Variants in KDM5B observed in about 807,000 individuals in gnomAD.
KDM5B encodes the protein lysine demethylase 5B.
Under a neutral mutation model 193.4 loss-of-function variants are expected in KDM5B, and 144 were observed. The observed-to-expected ratio is 0.74, with a 90% confidence interval of 0.65 to 0.86. The LOEUF is 0.86. Ranked by LOEUF, KDM5B falls within the 40% of genes least tolerant of loss-of-function variation. The pLI is 0.00. For missense variants in KDM5B, 1,833 were observed against 1,886.9 expected (o/e 0.97, Z 0.53); for synonymous variants, 668 against 682.6 (o/e 0.98, Z 0.33).
At chr1:202,764,251 A>G (rs965914459) in intron 5 of KDM5B, 106 bp from the exon 6 acceptor site, 1 of 577,230 alleles carries the variant, frequency 1.7e-6, no homozygotes, top group Admixed American at 3.8e-5. Context: ...TGCCTCTATT[A>G]ACAGGGCATT....
At chr1:202,754,200 G>T (rs1358077221) in intron 11 of KDM5B, among the ~76,000 whole-genome samples, 2 of 152,152 alleles carry the variant, frequency 1.3e-5, no homozygotes, top group African/African-American at 4.8e-5. Context: ...TCCCTGCGAG[G>T]TATGGTAAAT....
chr1:202,732,271 T>A (rs141342041), intron 23 of KDM5B: 3 of 243,332 alleles, frequency 1.2e-5, no homozygotes, highest in African/African-American at 7.0e-5. Flanking sequence ...TTATTGAAGA[T>A]TAAAATACGA....
At chr1:202,803,474 T>A (rs1382534249) in intron 1 of KDM5B, among the ~76,000 whole-genome samples, 1 of 152,188 alleles carries the variant, frequency 6.6e-6, no homozygotes, top group South Asian at 2.1e-4. Context: ...AAAGTCAAAT[T>A]TAGCTAAACA....
intron 11 of KDM5B, among the ~76,000 whole-genome samples, chr1:202,754,725 C>T (rs1220580913): frequency 6.6e-6 from 1 of 152,190 alleles, no homozygotes; most frequent in Non-Finnish European, 1.5e-5. Context: ...CTCTGTTGCC[C>T]AGGCAGGAGT....
chr1:202,739,909 AAT>A (rs1404051388), intron 20 of KDM5B, among the ~76,000 whole-genome samples: 1 of 152,176 alleles, frequency 6.6e-6, no homozygotes, highest in Admixed American at 6.5e-5. Flanking sequence ...CCGATTTCTC[AAT>A]CTTTTCCCCA....
chr1:202,744,579 A>C (rs1227044434), intron 16 of KDM5B, among the ~76,000 whole-genome samples: 1 of 151,948 alleles, frequency 6.6e-6, no homozygotes, highest in Non-Finnish European at 1.5e-5. Flanking sequence ...AAAAACAAAC[A>C]AAAAAAACAC....
intron 20 of KDM5B, among the ~76,000 whole-genome samples, chr1:202,739,562 C>G (rs6427963): frequency 0.38 from 57,825 of 151,110 alleles, 11,335 homozygotes; most frequent in East Asian, 0.5. Context: ...GTGGAGGGAA[C>G]GTCAGCAGAT....
chr1:202,772,382 A>G (rs974723485), intron 4 of KDM5B, among the ~76,000 whole-genome samples: 1 of 152,240 alleles, frequency 6.6e-6, no homozygotes, highest in African/African-American at 2.4e-5. Context: ...CCCGTTAGCT[A>G]TGTAGCATTA....
chr1:202,782,797 TAAG>T (rs1298738071), intron 1 of KDM5B, among the ~76,000 whole-genome samples: 2 of 152,204 alleles, frequency 1.3e-5, no homozygotes, highest in Non-Finnish European at 2.9e-5. Flanking sequence ...CTAGATGTAA[TAAG>T]AATTTGCAGA....
chr1:202,781,889 T>C (rs972495111), intron 1 of KDM5B, among the ~76,000 whole-genome samples: 2 of 152,236 alleles, frequency 1.3e-5, no homozygotes, highest in African/African-American at 4.8e-5. Flanking sequence ...TATTCCCTGA[T>C]TGATCAGATA....
In KDM5B at chr1:202,741,610, T is replaced by A. The variant is rs760356510; in HGVS notation, c.2702A>T (p.Asp901Val). 9 of 1,614,178 alleles carry A rather than the reference T, an allele frequency of 5.6e-6. No homozygotes were observed. Among genetic ancestry groups the A allele is most frequent in the East Asian group, 2.2e-5 (1 of 44,886 alleles). Residue 901 changes from aspartate to valine, a missense_variant, in exon 19 of 27, where the codon GAT (aspartate) becomes GTT (valine). Physicochemically the swap from Asp to Val is radical, Grantham distance 152. Transcript: ENST00000367265. ...CTCAGCAAGCTGTGGAAGTTCAACA[T>A]CAAATTCAAAGCTGACATCTAGCAA... ...QDLLDVSFEF[D>V]VELPQLAEMR...
At position 202,750,907 on chromosome 1, in the gene KDM5B, C is replaced by A. The variant is rs981648733; in HGVS notation, c.1702-129G>T. Reference sequence around the variant, plus strand: ...CTTTCTGAAATTGAGCCAGAAAAAACAAATTATTATAGTAGAATATCACCT... The same window carrying A: ...CTTTCTGAAATTGAGCCAGAAAAAAAAAATTATTATAGTAGAATATCACCT... On this transcript the variant is annotated intron_variant, in intron 12 of 26. Coordinates refer to ENST00000367265, the MANE Select transcript of KDM5B (RefSeq NM_006618.5). The A allele has an allele frequency of 5.9e-6, 5 of 854,218 alleles. No homozygotes were observed. In the African/African-American group the frequency reaches 6.8e-5, roughly 12 times the overall value. The allele number at this position is 854,218 out of a possible 1,614,324, so 52.9% of individuals were successfully genotyped here.
intron 20 of KDM5B, among the ~76,000 whole-genome samples, chr1:202,737,763 T>C (rs1655149814): frequency 6.6e-6 from 1 of 151,846 alleles, no homozygotes; most frequent in South Asian, 2.1e-4. Context: ...TGAGAAAAAG[T>C]GGGGTGGGGA....
chr1:202,735,848 G>A (rs373188640), intron 21 of KDM5B, among the ~76,000 whole-genome samples: 1 of 152,196 alleles, frequency 6.6e-6, no homozygotes, highest in African/African-American at 2.4e-5. Context: ...TGATGCACAA[G>A]CAAGTTTACA....
intron 14 of KDM5B, among the ~76,000 whole-genome samples, chr1:202,747,144 T>C (rs1164474363): frequency 1.3e-5 from 2 of 152,184 alleles, no homozygotes; most frequent in African/African-American, 4.8e-5. Context: ...ATTTTAACCT[T>C]TTAACTATTT....
At position 202,740,626 on chromosome 1, in the gene KDM5B, T is replaced by A. The variant is rs766822836; in HGVS notation, c.3084+48A>T. The A allele has an allele frequency of 7.8e-6, 12 of 1,538,594 alleles. No individual in the cohort carries two copies. The South Asian group carries it at 1.4e-4, about 18-fold the overall frequency. ...CTCCCGGACGGGGCGCCAATATTGCTCTTTATGGATGCACTTACACATTCT... is the reference window on the plus strand; with the variant it reads ...CTCCCGGACGGGGCGCCAATATTGCACTTTATGGATGCACTTACACATTCT... On this transcript the variant is annotated intron_variant, in intron 20 of 26. Transcript: ENST00000367265.
chr1:202,767,201 T>C (rs1656504647), intron 4 of KDM5B, 141 bp from the exon 5 acceptor site: 20 of 1,555,046 alleles, frequency 1.3e-5, no homozygotes, highest in Non-Finnish European at 1.7e-5. Flanking sequence ...ACTCTTCATA[T>C]CTGTTAAATG....
chr1:202,766,184 C>T (rs1656449205), intron 5 of KDM5B, among the ~76,000 whole-genome samples: 2 of 152,048 alleles, frequency 1.3e-5, no homozygotes, highest in Non-Finnish European at 2.9e-5. Flanking sequence ...CACTGCACTC[C>T]AGTCTAGGTG....
intron 1 of KDM5B, among the ~76,000 whole-genome samples, chr1:202,783,014 G>A (rs570818441): frequency 2.6e-5 from 4 of 152,324 alleles, no homozygotes; most frequent in East Asian, 3.9e-4. Flanking sequence ...CGGAGGCCAA[G>A]GCAGGAGGAT....
Sources: allele counts gnomAD v4.1 joint callset (sites outside exome capture counted in the v4.1 genomes callset), GRCh38; gene constraint gnomAD v4.1.1; transcripts MANE v1.5; gene names NCBI Gene and HGNC (gene_info 2026-07-23, HGNC 2026-07-21).